Variants in KIAA1586 observed in about 807,000 individuals in gnomAD.
KIAA1586 encodes KIAA1586.
A neutral mutation model predicts 6.1 loss-of-function variants in KIAA1586; 5 were observed. That is an observed-to-expected ratio of 0.82 (90% CI 0.43 to 1.73). The LOEUF (loss-of-function observed/expected upper bound fraction) is 1.73, where lower values mean the gene tolerates loss of function less well. Ranked by LOEUF, KIAA1586 falls within the 40% of genes most tolerant of loss-of-function variation. The pLI, the probability that KIAA1586 is intolerant of heterozygous loss-of-function variation, is 0.02. For synonymous variants in KIAA1586, 280 were observed against 301.7 expected (o/e 0.93, Z 0.75); for missense variants, 899 against 878.2 (o/e 1.02, Z -0.30).
At position 57,053,788 on chromosome 6, in the gene KIAA1586, C is replaced by G; in HGVS notation, c.1289C>G (p.Ser430Cys). Residue 430 changes from serine to cysteine, a missense_variant, in exon 4 of 4, where the codon TCT becomes TGT. By Grantham distance (112) the Ser-to-Cys change is moderately radical. Coordinates refer to ENST00000370733, the MANE Select transcript of KIAA1586 (RefSeq NM_020931.4). ...NHRLQLSLDD[S>C]ISEIKQINHL... ...CGATTACAATTGTCACTTGATGATT[C>G]TATATCCGAAATAAAACAAATTAAT... is the stretch of plus-strand genomic sequence containing the variant. 6.4e-7 allele frequency: 1 copy of G among 1,553,302 alleles called. No individual in the cohort carries two copies.
chr6:57,060,674 A>G, the KIAA1586 span, among the ~76,000 whole-genome samples: 1 of 152,170 alleles, frequency 6.6e-6, no homozygotes, highest in Admixed American at 6.5e-5. Context: ...AGATGATCTA[A>G]TAGGGTCTCT....
In KIAA1586 at chr6:57,050,802, A is replaced by G. The variant is rs1180176431; in HGVS notation, c.134A>G (p.Tyr45Cys). 5 of 1,613,384 alleles carry G rather than the reference A, an allele frequency of 3.1e-6. No homozygotes were observed. Among genetic ancestry groups the G allele is most frequent in the Admixed American group, 1.7e-5 (1 of 59,994 alleles). The change falls in exon 3 of 4, where the codon TAC becomes TGC. Residue 45 changes from tyrosine (Y) to cysteine (C), a missense_variant. Coordinates refer to ENST00000370733, the MANE Select transcript of KIAA1586 (RefSeq NM_020931.4). ...SEGPSRPVLE[Y>C]IDLVCGDDEN... Reference sequence around the variant, plus strand: ...GGACCATCGAGACCTGTTCTTGAATACATCGATCTGGTCTGTGGTGATGAT... The same window carrying G: ...GGACCATCGAGACCTGTTCTTGAATGCATCGATCTGGTCTGTGGTGATGAT...
rs763592700 is a variant in KIAA1586, at chr6:57,053,696, G to T, written c.1197G>T (p.Lys399Asn). ...GTGCTAATACAATCCTGGGAAGAAA[G>T]TCTGGAGTAGCTACAAAATTGTTAG... ...SDGANTILGR[K>N]SGVATKLLEN... Residue 399 changes from lysine (K) to asparagine (N), a missense_variant, in exon 4 of 4, where the codon AAG becomes AAT. Coordinates refer to ENST00000370733, the MANE Select transcript of KIAA1586 (RefSeq NM_020931.4). 1 of 1,611,236 alleles carries T rather than the reference G, an allele frequency of 6.2e-7. No individual in the cohort carries two copies. Among genetic ancestry groups the T allele is most frequent in the Non-Finnish European group, 8.5e-7 (1 of 1,177,870 alleles).
At chr6:57,049,211 C>A (rs150958763) in intron 2 of KIAA1586, among the ~76,000 whole-genome samples, 3 of 152,258 alleles carry the variant, frequency 2.0e-5, no homozygotes, top group Admixed American at 2.0e-4. Context: ...ACATAAAAGA[C>A]AATGATAACT....
At chr6:57,056,214 A>G (rs1032374348), downstream of KIAA1586, among the ~76,000 whole-genome samples, 6 of 148,184 alleles carry the variant, frequency 4.0e-5, no homozygotes, top group Admixed American at 4.0e-4. Context: ...ACGCCTGCCT[A>G]ATTTTTTTTT....
chr6:57,056,323 C>T (rs556541821), downstream of KIAA1586, among the ~76,000 whole-genome samples: 1 of 152,082 alleles, frequency 6.6e-6, no homozygotes, highest in Non-Finnish European at 1.5e-5. Flanking sequence ...TCTCCTGCCT[C>T]AGCCTCCCAA....
At chr6:57,055,405 T>C (rs1040040565), downstream of KIAA1586, among the ~76,000 whole-genome samples, 3 of 151,962 alleles carry the variant, frequency 2.0e-5, no homozygotes, top group African/African-American at 7.3e-5. Flanking sequence ...TGTTTTTCAG[T>C]AATACATTTT....
chr6:57,054,180 A>G lies in KIAA1586; in HGVS notation c.1681A>G (p.Ile561Val), dbSNP rs1828432174. Reference sequence around the variant, plus strand: ...AGCACAAAAATTGATCAAACGTACCATAAGAGCTTTGGAAAATTTAAAAAT... The same window carrying G: ...AGCACAAAAATTGATCAAACGTACCGTAAGAGCTTTGGAAAATTTAAAAAT... ...KKAQKLIKRTIRALENLKIGT... is the reference protein window; with the variant it reads ...KKAQKLIKRTVRALENLKIGT... The change falls in exon 4 of 4, where the codon ATA (isoleucine) becomes GTA (valine). Residue 561 changes from isoleucine to valine, a missense_variant. Transcript: ENST00000370733. 4 of 1,592,946 alleles carry G rather than the reference A, an allele frequency of 2.5e-6. No individual in the cohort carries two copies. The highest frequency in any genetic ancestry group is 1.4e-5 in the African/African-American group (1 of 73,500).
downstream of KIAA1586, among the ~76,000 whole-genome samples, chr6:57,057,073 A>C (rs1445135494): frequency 6.6e-6 from 1 of 151,824 alleles, no homozygotes; most frequent in African/African-American, 2.4e-5. Context: ...CTAAAAATAC[A>C]AAAAATTAGC....
At chr6:57,057,649 G>A (rs1237607653), downstream of KIAA1586, among the ~76,000 whole-genome samples, 1 of 152,024 alleles carries the variant, frequency 6.6e-6, no homozygotes, top group African/African-American at 2.4e-5. Context: ...AGCTACTCAG[G>A]AGGCTGAGAC....
chr6:57,064,687 C>G, the KIAA1586 span, among the ~76,000 whole-genome samples: 1 of 152,182 alleles, frequency 6.6e-6, no homozygotes, highest in Non-Finnish European at 1.5e-5. Context: ...GGGTTTTCTT[C>G]CAGGCTTTAA....
At chr6:57,050,878 GT>G (rs1234627624) in intron 3 of KIAA1586, 24 bp downstream of exon 3, 1 of 1,546,176 alleles carries the variant, frequency 6.5e-7, no homozygotes, top group South Asian at 1.1e-5. Context: ...ATTTGTGTTT[GT>G]TCAGTTTTCT....
chr6:57,054,730 C>T lies in KIAA1586; in HGVS notation c.2231C>T (p.Ala744Val), dbSNP rs1446731861. Reference sequence around the variant, plus strand: ...ATAAATTTACTGGGGAAAGAATTAGCAGATTGGGATGCAACACCGTTTGTA... The same window carrying T: ...ATAAATTTACTGGGGAAAGAATTAGTAGATTGGGATGCAACACCGTTTGTA... ...MTINLLGKEL[A>V]DWDATPFVKS... Residue 744 changes from alanine to valine, a missense_variant, in exon 4 of 4, where the codon GCA becomes GTA. Transcript: ENST00000370733. 2 of 1,551,214 alleles carry T rather than the reference C, an allele frequency of 1.3e-6. No individual in the cohort carries two copies. Among genetic ancestry groups the T allele is most frequent in the Admixed American group, 3.9e-5 (2 of 50,988 alleles).
At position 57,053,355 on chromosome 6, in the gene KIAA1586, T is replaced by G; in HGVS notation, c.856T>G (p.Tyr286Asp). The change falls in exon 4 of 4, where the codon TAC becomes GAC. Residue 286 changes from tyrosine to aspartate, a missense_variant. By Grantham distance (160) the Tyr-to-Asp change is radical. Coordinates refer to ENST00000370733, the MANE Select transcript of KIAA1586 (RefSeq NM_020931.4). ...NGEVNCLNTR[Y>D]SATRIAEHIA... ...AGAGGTAAATTGTTTAAATACACGTTACAGTGCAACAAGAATAGCAGAACA... is the reference window on the plus strand; with the variant it reads ...AGAGGTAAATTGTTTAAATACACGTGACAGTGCAACAAGAATAGCAGAACA... 1 of 1,612,468 alleles carries G rather than the reference T, an allele frequency of 6.2e-7. No individual in the cohort carries two copies. The highest frequency in any genetic ancestry group is 1.1e-5 in the South Asian group (1 of 90,872).
At chr6:57,052,302 A>G (rs112783984) in intron 3 of KIAA1586, among the ~76,000 whole-genome samples, 2 of 152,336 alleles carry the variant, frequency 1.3e-5, no homozygotes, top group East Asian at 3.9e-4. Context: ...TCTAGAAATG[A>G]CCTCAAGTAT....
In KIAA1586 at chr6:57,054,684, C is replaced by A; in HGVS notation, c.2185C>A (p.His729Asn). The A allele has an allele frequency of 6.4e-7, 1 of 1,553,866 alleles. No homozygotes were observed. The highest frequency in any genetic ancestry group is 1.2e-5 in the South Asian group (1 of 84,632). ...GGTGAGAAATAGTTTAACAATAGAT[C>A]ATGTATCAGATTTAATGACAATAAA... ...TRVRNSLTID[H>N]VSDLMTINLL... The change falls in exon 4 of 4, where the codon CAT becomes AAT. Residue 729 changes from histidine to asparagine, a missense_variant. His to Asn is a moderately conservative substitution (Grantham distance 68). Coordinates refer to ENST00000370733, the MANE Select transcript of KIAA1586 (RefSeq NM_020931.4).
At chr6:57,066,731 G>T in the KIAA1586 span, among the ~76,000 whole-genome samples, 1 of 152,212 alleles carries the variant, frequency 6.6e-6, no homozygotes, top group Non-Finnish European at 1.5e-5. Context: ...CTTGTGAGTA[G>T]ATATGTGGAG....
rs1828457954 is a variant in KIAA1586 at position 57,054,703 on chromosome 6, CAAT to C, written c.2207_2209del (p.Ile736del). On this transcript the variant is annotated inframe_deletion, in exon 4 of 4. Coordinates refer to ENST00000370733, the MANE Select transcript of KIAA1586 (RefSeq NM_020931.4). The stretch of plus-strand genomic sequence containing the variant: ...ATAGATCATGTATCAGATTTAATGA[CAAT>C]AAATTTACTGGGGAAAGAATTAGCA... 6.4e-7 allele frequency: 1 copy of C among 1,551,790 alleles called. No homozygotes were observed. Among genetic ancestry groups the C allele is most frequent in the African/African-American group, 1.4e-5 (1 of 73,110 alleles).
In KIAA1586 at chr6:57,053,521, C is replaced by T. The variant is rs1828401551; in HGVS notation, c.1022C>T (p.Ala341Val). The T allele has an allele frequency of 1.2e-6, 2 of 1,613,560 alleles. No homozygotes were observed. The highest frequency in any genetic ancestry group is 3.3e-5 in the Admixed American group (2 of 60,020). ...VIYLQCTIQS[A>V]PAPVMLFVAL... ...TATCTCCAGTGCACAATTCAGTCAG[C>T]TCCTGCACCTGTTATGTTATTTGTG... Residue 341 changes from alanine (A) to valine (V), a missense_variant, in exon 4 of 4, where the codon GCT (alanine) becomes GTT (valine). Coordinates refer to ENST00000370733, the MANE Select transcript of KIAA1586 (RefSeq NM_020931.4).
Sources: gnomAD v4.1 joint callset for allele counts (sites outside exome capture counted in the v4.1 genomes callset) on GRCh38, gnomAD v4.1.1 for gene constraint, MANE v1.5 for transcripts, NCBI Gene and HGNC (gene_info 2026-07-23, HGNC 2026-07-21) for gene names.